Variants in FAM120A observed in about 807,000 individuals in gnomAD.
The protein encoded by FAM120A is constitutive coactivator of PPAR-gamma-like protein 1.
In FAM120A, 15 loss-of-function variants were observed where a neutral mutation model predicts 109.7. The observed-to-expected ratio is 0.14, with a 90% CI of 0.09 to 0.21. The LOEUF (loss-of-function observed/expected upper bound fraction) is 0.21, where lower values mean the gene tolerates loss of function less well. Ranked by LOEUF, FAM120A falls within the 10% of genes least tolerant of loss-of-function variation. FAM120A has a pLI of 1.00. For missense variants in FAM120A, 899 were observed against 1,439.3 expected (o/e 0.62, Z 6.07); for synonymous variants, 493 against 572.8 (o/e 0.86, Z 1.99).
chr9:93,555,482 T>C (rs370481766), intron 12 of FAM120A, among the ~76,000 whole-genome samples: 2 of 152,240 alleles, frequency 1.3e-5, no homozygotes, highest in African/African-American at 4.8e-5. Flanking sequence ...TAGGCATTGC[T>C]TAGATTGATC....
At chr9:93,464,758 C>G (rs767483462) in intron 1 of FAM120A, among the ~76,000 whole-genome samples, 2 of 152,226 alleles carry the variant, frequency 1.3e-5, no homozygotes, top group African/African-American at 4.8e-5. Context: ...GGAGGCAGCT[C>G]ATAGTTCGAA....
chr9:93,564,441 A>G lies in FAM120A; in HGVS notation c.3258A>G (p.Lys1086=). ...AAAGTGCCTTGAATAATGACTCTAA[A>G]ACGTGCAATACAAATCCTCATTTAA... ...HSESALNNDS[K]TCNTNPHLNA... Residue 1086 remains lysine (K), a synonymous_variant, in exon 18 of 18, where the codon AAA becomes AAG. Transcript: ENST00000277165. 1 of 1,614,248 alleles carries G rather than the reference A, an allele frequency of 6.2e-7. No individual in the cohort carries two copies. Among genetic ancestry groups the G allele is most frequent in the Non-Finnish European group, 8.5e-7 (1 of 1,180,050 alleles).
At chr9:93,535,078 G>GTAT (rs1368793760) in intron 10 of FAM120A, among the ~76,000 whole-genome samples, 3 of 152,202 alleles carry the variant, frequency 2.0e-5, no homozygotes, top group African/African-American at 7.2e-5. Flanking sequence ...GCTATTGTGT[G>GTAT]TATTACCCTT....
intron 3 of FAM120A, among the ~76,000 whole-genome samples, chr9:93,476,620 A>T (rs1050099112): frequency 2.0e-5 from 3 of 152,162 alleles, no homozygotes; most frequent in Non-Finnish European, 2.9e-5. Flanking sequence ...CTTTGAGCTG[A>T]TGTTTTATAT....
rs554672761 is a variant in FAM120A, at chr9:93,529,744, T to C, written c.1734+164T>C. The C allele has an allele frequency of 3.1e-5, 21 of 680,582 alleles. No homozygotes were observed. In the African/African-American group the frequency reaches 3.8e-4, roughly 12 times the overall value. 42.2% of individuals were successfully genotyped at this position (680,582 alleles called of 1,614,324 possible). A position where few individuals can be genotyped will look rare whatever the true frequency, so the allele number is the denominator to read the frequency against. On this transcript the variant is annotated intron_variant, in intron 9 of 17. Coordinates refer to ENST00000277165, the MANE Select transcript of FAM120A (RefSeq NM_014612.5). ...CTAAACATTGAATGAAAGATGAACA[T>C]TTATAACTGTAAATAGTTTTAAAAT... is the stretch of plus-strand genomic sequence containing the variant.
intron 1 of FAM120A, among the ~76,000 whole-genome samples, chr9:93,458,511 C>T (rs2131203600): frequency 6.6e-6 from 1 of 152,214 alleles, no homozygotes; most frequent in Non-Finnish European, 1.5e-5. Flanking sequence ...TAGTCTCCTA[C>T]TTAACTGTTA....
intron 5 of FAM120A, among the ~76,000 whole-genome samples, chr9:93,511,607 A>G (rs1345817932): frequency 6.6e-6 from 1 of 152,208 alleles, no homozygotes; most frequent in African/African-American, 2.4e-5. Flanking sequence ...TCTGTAGACT[A>G]TTGAGATTTA....
At chr9:93,477,383 T>A (rs1858593818) in intron 3 of FAM120A, among the ~76,000 whole-genome samples, 1 of 152,244 alleles carries the variant, frequency 6.6e-6, no homozygotes, top group African/African-American at 2.4e-5. Flanking sequence ...AATGTTCTCC[T>A]TTTCACCCTA....
intron 3 of FAM120A, among the ~76,000 whole-genome samples, chr9:93,493,902 T>C (rs1859453209): frequency 6.6e-6 from 1 of 152,370 alleles, no homozygotes; most frequent in East Asian, 1.9e-4. Context: ...TCAGTGGGCC[T>C]GGCAGCCATC....
chr9:93,482,889 T>G (rs992170391), intron 3 of FAM120A, among the ~76,000 whole-genome samples: 37 of 152,306 alleles, frequency 2.4e-4, no homozygotes, highest in African/African-American at 7.5e-4. Context: ...TGCCTGTCTC[T>G]GGACTAGGGC....
At chr9:93,482,648 T>C (rs985425541) in intron 3 of FAM120A, among the ~76,000 whole-genome samples, 2 of 152,074 alleles carry the variant, frequency 1.3e-5, no homozygotes, top group African/African-American at 4.8e-5. Context: ...AGCATCAGGA[T>C]CTCCAGGAGC....
Position 93,543,391 on chromosome 9 carries a change from C to A in FAM120A, c.2079C>A (p.Ala693=), listed in dbSNP as rs756526155. ...ACCGCAGGATGAGGGCCTTCCTGGC[C>A]TGCATGAGGTCGGACACCCCAGCCA... ...DKNRRMRAFL[A]CMRSDTPAML... The change falls in exon 11 of 18, where the codon GCC becomes GCA. Residue 693 remains alanine, a synonymous_variant. Transcript: ENST00000277165. 1.2e-6 allele frequency: 2 copies of A among 1,614,166 alleles called. No homozygotes were observed. The highest frequency in any genetic ancestry group is 1.7e-5 in the Admixed American group (1 of 60,028).
At chr9:93,482,742 G>A (rs1006089946) in intron 3 of FAM120A, among the ~76,000 whole-genome samples, 9 of 152,116 alleles carry the variant, frequency 5.9e-5, no homozygotes, top group African/African-American at 2.2e-4. Context: ...AGACCCCACA[G>A]TGGGCCAGTC....
Position 93,498,457 on chromosome 9 carries a change from C to G in FAM120A, c.934-333C>G, listed in dbSNP as rs904151780. On this transcript the variant is annotated intron_variant, in intron 4 of 17. Coordinates refer to ENST00000277165, the MANE Select transcript of FAM120A (RefSeq NM_014612.5). The surrounding 1 kb of genome is among the most constrained non-coding windows in gnomAD (Gnocchi z 4.4). ...CCCCAGTCTGTCACTGCCATCCGTT[C>G]CCTTGGTACAGATGGCTTGAGATTC... Among the ~76,000 whole-genome samples, 1 of 152,154 alleles carries G rather than the reference C, an allele frequency of 6.6e-6. No individual in the cohort carries two copies. Among genetic ancestry groups the G allele is most frequent in the Non-Finnish European group, 1.5e-5 (1 of 68,030 alleles).
intron 5 of FAM120A, among the ~76,000 whole-genome samples, chr9:93,511,916 C>G (rs559698002): frequency 6.6e-6 from 1 of 152,160 alleles, no homozygotes; most frequent in African/African-American, 2.4e-5. Context: ...CTCTGCCTCC[C>G]GAGTAGCTGG....
intron 3 of FAM120A, among the ~76,000 whole-genome samples, chr9:93,495,477 A>G (rs373044327): frequency 6.6e-6 from 1 of 152,314 alleles, no homozygotes; most frequent in African/African-American, 2.4e-5. Flanking sequence ...TGTGACATAC[A>G]TGGAGGCTTT....
rs200709426 is a variant in FAM120A at position 93,452,531 on chromosome 9, G to A, written c.474+142G>A. On this transcript the variant is annotated intron_variant, in intron 1 of 17. Transcript: ENST00000277165. This position sits in a 1 kb window ranked among gnomAD's most constrained non-coding sequence, Gnocchi z 7.0. ...AGCCCTTGCCCGGGATAGCCTGGCC[G>A]GGCCGGGCTGCAAGATGGATGGCCG... The A allele has an allele frequency of 9.6e-6, 15 of 1,561,460 alleles. No individual in the cohort carries two copies. Among genetic ancestry groups the A allele is most frequent in the Admixed American group, 1.9e-5 (1 of 53,464 alleles).
intron 7 of FAM120A, among the ~76,000 whole-genome samples, chr9:93,525,352 C>G (rs1412908141): frequency 1.3e-5 from 2 of 152,038 alleles, no homozygotes; most frequent in East Asian, 3.9e-4. Flanking sequence ...CTTGGCCTCC[C>G]CTGCCCCACC....
intron 11 of FAM120A, 55 bp from the exon 12 acceptor site, chr9:93,550,522 A>C (rs1422720609): frequency 1.5e-6 from 2 of 1,354,466 alleles, no homozygotes; most frequent in South Asian, 1.2e-5. Context: ...GGACTTGTCT[A>C]TATGACGGGC....
Sources: gnomAD v4.1 joint callset for allele counts (sites outside exome capture counted in the v4.1 genomes callset) on GRCh38, gnomAD v4.1.1 for gene constraint, Gnocchi (gnomAD v3.1) non-coding constraint, MANE v1.5 for transcripts, NCBI Gene and HGNC (gene_info 2026-07-23, HGNC 2026-07-21) for gene names.